Variants in COBL observed in about 807,000 individuals in gnomAD.
COBL encodes the protein protein cordon-bleu.
Under a neutral mutation model 98.8 loss-of-function variants are expected in COBL, and 51 were observed. The ratio of observed to expected loss-of-function variants is 0.52; its 90% CI spans 0.41 to 0.65. COBL has a LOEUF of 0.65. COBL is among the 30% of genes least tolerant of loss of function. The pLI is 0.00. For synonymous variants in COBL, 634 were observed against 651.7 expected, an observed-to-expected ratio of 0.97 and a Z score of 0.41; for missense variants, 1,617 against 1,617.5, an observed-to-expected ratio of 1.00 and a Z score of 0.01.
intron 12 of COBL, among the ~76,000 whole-genome samples, chr7:51,018,205 G>A (rs563153789): frequency 1.3e-4 from 20 of 151,808 alleles, no homozygotes; most frequent in African/African-American, 4.4e-4. Flanking sequence ...GGTGGTGATG[G>A]CGGTGGTTGT....
At chr7:51,074,555 CA>C (rs1045468123) in intron 7 of COBL, among the ~76,000 whole-genome samples, 30 of 152,304 alleles carry the variant, frequency 2.0e-4, no homozygotes, top group African/African-American at 7.0e-4. Flanking sequence ...GGGAAGGACT[CA>C]AATTTATATA....
chr7:51,074,708 G>A (rs1049512469), intron 7 of COBL, among the ~76,000 whole-genome samples: 1 of 152,106 alleles, frequency 6.6e-6, no homozygotes, highest in Non-Finnish European at 1.5e-5. Context: ...AAAGAAATCT[G>A]TTCTCAGGTT....
intron 7 of COBL, among the ~76,000 whole-genome samples, chr7:51,082,206 C>T (rs972147128): frequency 5.3e-5 from 8 of 152,154 alleles, no homozygotes; most frequent in South Asian, 2.1e-4. Context: ...GCTGTGCACA[C>T]TCATGTGGGC....
In COBL at chr7:51,281,401, T is replaced by C. The variant is rs376949956; in HGVS notation, c.41+35192A>G. ...TATTTCACAAATTAACAGAAAACTT[T>C]TCAAATTTCACAAAACTTCCTGAAA... On this transcript the variant is annotated intron_variant, in intron 1 of 12. Transcript: ENST00000265136. Among the ~76,000 whole-genome samples, 74 of 152,244 alleles carry C rather than the reference T, an allele frequency of 4.9e-4. No homozygotes were observed. In the South Asian group the frequency reaches 0.015, roughly 30 times the overall value.
At chr7:51,137,456 GGGTGTGGT>G (rs1216081391) in intron 5 of COBL, among the ~76,000 whole-genome samples, 2 of 152,142 alleles carry the variant, frequency 1.3e-5, no homozygotes, top group Non-Finnish European at 2.9e-5. Context: ...CACATTGGCT[GGGTGTGGT>G]CATGCTCACC....
intron 5 of COBL, among the ~76,000 whole-genome samples, chr7:51,158,481 T>C (rs939676371): frequency 3.3e-5 from 2 of 61,378 alleles, no homozygotes; most frequent in Non-Finnish European, 1.4e-4. Context: ...ATATTTAAGA[T>C]GCAGAAATCA....
chr7:51,185,255 T>C (rs1789381864), intron 4 of COBL, among the ~76,000 whole-genome samples: 1 of 152,156 alleles, frequency 6.6e-6, no homozygotes, highest in African/African-American at 2.4e-5. Context: ...TGCGAATGCT[T>C]GGGCCCACTC....
Position 51,209,046 on chromosome 7 carries a change from T to TAAA in COBL, c.245+10692_245+10694dup, listed in dbSNP as rs572689062. On this transcript the variant is annotated intron_variant, in intron 2 of 12. Transcript: ENST00000265136. ...TGAGAAACACCCAAGAATGATCAAT[T>TAAA]AAAAAAAAAAAAAAAAAAAAAAAAA... Among the ~76,000 whole-genome samples the TAAA allele has an allele frequency of 1.8e-3, 78 of 43,420 alleles. 5 individuals are homozygous for TAAA. Among genetic ancestry groups the TAAA allele is most frequent in the African/African-American group, 4.1e-3 (51 of 12,412 alleles). 28.5% of individuals were successfully genotyped at this position (43,420 alleles called of 152,430 possible).
At chr7:51,090,321 G>C (rs1044288427) in intron 6 of COBL, among the ~76,000 whole-genome samples, 1 of 152,154 alleles carries the variant, frequency 6.6e-6, no homozygotes, top group Non-Finnish European at 1.5e-5. Flanking sequence ...AGGACCATAG[G>C]CAAGCTTAAT....
intron 5 of COBL, among the ~76,000 whole-genome samples, chr7:51,145,045 G>A (rs1784892120): frequency 6.6e-6 from 1 of 152,168 alleles, no homozygotes; most frequent in Non-Finnish European, 1.5e-5. Flanking sequence ...ACAGAGTCTT[G>A]CTCTTGTCGC....
chr7:51,236,134 G>A (rs1263062199), intron 1 of COBL, among the ~76,000 whole-genome samples: 1 of 152,204 alleles, frequency 6.6e-6, no homozygotes, highest in Non-Finnish European at 1.5e-5. Flanking sequence ...CCAAGCCTCT[G>A]ACGGCAACCT....
At chr7:51,055,530 T>C (rs1457017070) in intron 7 of COBL, among the ~76,000 whole-genome samples, 3 of 152,126 alleles carry the variant, frequency 2.0e-5, no homozygotes, top group Admixed American at 6.5e-5. Context: ...GAGAAGATGA[T>C]GGTCTTGCAC....
intron 12 of COBL, among the ~76,000 whole-genome samples, chr7:51,020,269 T>C (rs1786797332): frequency 6.6e-6 from 1 of 152,180 alleles, no homozygotes; most frequent in South Asian, 2.1e-4. Context: ...GGTAGATGCT[T>C]GCCCCGCTGC....
At chr7:51,183,960 T>C (rs1425083087) in intron 5 of COBL, 142 bp downstream of exon 5, 2 of 462,908 alleles carry the variant, frequency 4.3e-6, no homozygotes, top group Non-Finnish European at 7.8e-6. Flanking sequence ...CAGTGCATAC[T>C]AATAAGCTCT....
rs116591973 is a variant in COBL, at chr7:51,231,172, C to G, written c.42-11228G>C. ...AATTTCATTCTTGTAAAACCCATAC[C>G]ACAGTGGCTGGGATCTAAGCCTTCA... On this transcript the variant is annotated intron_variant, in intron 1 of 12. Coordinates refer to ENST00000265136, the MANE Select transcript of COBL (RefSeq NM_015198.5). 7.5e-3 allele frequency among the ~76,000 whole-genome samples: 1,145 copies of G among 152,290 alleles called. 15 individuals carry two copies. The highest frequency in any genetic ancestry group is 0.027 in the African/African-American group (1,112 of 41,554).
intron 7 of COBL, among the ~76,000 whole-genome samples, chr7:51,080,107 G>C (rs1176553074): frequency 1.3e-5 from 2 of 152,222 alleles, no homozygotes; most frequent in African/African-American, 4.8e-5. Context: ...AAAGCCATCA[G>C]GCCTATGAGT....
At chr7:51,232,586 C>T (rs909960828) in intron 1 of COBL, among the ~76,000 whole-genome samples, 5 of 152,066 alleles carry the variant, frequency 3.3e-5, no homozygotes, top group African/African-American at 9.7e-5. Flanking sequence ...CCAAGGCGGG[C>T]GGATCATGAG....
intron 4 of COBL, among the ~76,000 whole-genome samples, chr7:51,189,074 C>T (rs1789826943): frequency 6.6e-6 from 1 of 152,158 alleles, no homozygotes; most frequent in African/African-American, 2.4e-5. Flanking sequence ...CAGGCCTTTG[C>T]AGCAATACTG....
At chr7:51,212,049 C>A (rs1327311946) in intron 2 of COBL, among the ~76,000 whole-genome samples, 2 of 152,038 alleles carry the variant, frequency 1.3e-5, no homozygotes, top group East Asian at 3.8e-4. Context: ...CCTTCCTCCG[C>A]GACATCATTT....
Sources: gnomAD v4.1 joint callset for allele counts (sites outside exome capture counted in the v4.1 genomes callset) on GRCh38, gnomAD v4.1.1 for gene constraint, MANE v1.5 for transcripts, NCBI Gene and HGNC (gene_info 2026-07-23, HGNC 2026-07-21) for gene names.